Variants in PRDM15 observed in about 807,000 individuals in gnomAD.
The protein encoded by PRDM15 is PR domain zinc finger protein 15.
Under a neutral mutation model 128.6 loss-of-function variants are expected in PRDM15, and 64 were observed. The observed-to-expected ratio is 0.50, with a 90% confidence interval of 0.41 to 0.61. The LOEUF (loss-of-function observed/expected upper bound fraction) is 0.61, where lower values mean the gene tolerates loss of function less well. Ranked by LOEUF, PRDM15 falls within the 20% of genes least tolerant of loss-of-function variation. The pLI, the probability that PRDM15 is intolerant of heterozygous loss-of-function variation, is 0.00. For synonymous variants in PRDM15, 615 were observed against 621.8 expected, an observed-to-expected ratio of 0.99 and a Z score of 0.16; for missense variants, 1,242 against 1,569.1, an observed-to-expected ratio of 0.79 and a Z score of 3.52.
intron 11 of PRDM15, among the ~76,000 whole-genome samples, chr21:41,834,746 G>A (rs142376939): frequency 1.2e-4 from 19 of 152,342 alleles, no homozygotes; most frequent in Non-Finnish European, 2.6e-4. Flanking sequence ...ACGTGGAGAA[G>A]CGCAGCCGGC....
rs368229555 is a variant in PRDM15, at chr21:41,823,298, G to T, written c.1761+20C>A. 9.3e-6 allele frequency: 15 copies of T among 1,605,936 alleles called. No individual in the cohort carries two copies. In the African/African-American group the frequency reaches 1.5e-4, roughly 16 times the overall value. ...GCCTGCCGTGAGCATGCCTGGGTGA[G>T]GGCAGCACGCGATCGACACCTTGAA... On this transcript the variant is annotated intron_variant, in intron 14 of 23. Coordinates refer to ENST00000398548, the MANE Select transcript of PRDM15 (RefSeq NM_001040424.3).
intron 17 of PRDM15, among the ~76,000 whole-genome samples, 153 bp downstream of exon 17, chr21:41,819,942 G>A (rs1325474031): frequency 6.6e-6 from 1 of 152,204 alleles, no homozygotes; most frequent in Non-Finnish European, 1.5e-5. Flanking sequence ...TGGCAGGGCT[G>A]ATAAGGACGG....
At chr21:41,847,062 A>G (rs1180221933) in intron 6 of PRDM15, 28 bp downstream of exon 6, 3 of 1,442,578 alleles carry the variant, frequency 2.1e-6, no homozygotes, top group East Asian at 2.5e-5. Flanking sequence ...GAGTTTTACA[A>G]CTGGGGCTCC....
chr21:41,806,066 TCACCAC>T (rs1568880283), intron 21 of PRDM15, among the ~76,000 whole-genome samples: 624 of 7,526 alleles, frequency 0.083, 29 homozygotes, highest in Admixed American at 0.13. Flanking sequence ...ACCATCACCA[TCACCAC>T]CACCATCACC....
At chr21:41,878,642 C>T in intron 1 of PRDM15, 1 of 1,145,698 alleles carries the variant, frequency 8.7e-7, no homozygotes, top group Admixed American at 2.6e-5. Context: ...CTTCTCTCTG[C>T]CACCAAAAGG....
rs1385571687 is a variant in PRDM15 at position 41,799,121 on chromosome 21, T to C, written c.*2119A>G. On this transcript the variant is annotated 3_prime_UTR_variant, in exon 24 of 24. Coordinates refer to ENST00000398548, the MANE Select transcript of PRDM15 (RefSeq NM_001040424.3). ...AAACAACTTCTTTAAAAAAATAAAATTGTGATTTCCAAGGCCTTTATTTTA... is the reference window on the plus strand; with the variant it reads ...AAACAACTTCTTTAAAAAAATAAAACTGTGATTTCCAAGGCCTTTATTTTA... 6.6e-6 allele frequency: 1 copy of C among 152,184 alleles called. No homozygotes were observed. The highest frequency in any genetic ancestry group is 1.5e-5 in the Non-Finnish European group (1 of 68,042). The allele number at this position is 152,184 out of a possible 1,614,324, so 9.4% of individuals were successfully genotyped here. A position where few individuals can be genotyped will look rare whatever the true frequency, so the allele number is the denominator to read the frequency against.
intron 21 of PRDM15, among the ~76,000 whole-genome samples, chr21:41,806,039 C>CCACCACCACCACCACCAT (rs2061569685): frequency 3.4e-5 from 1 of 29,070 alleles, no homozygotes; most frequent in African/African-American, 1.3e-4. Flanking sequence ...ACCATCACCA[C>CCACCACCACCACCACCAT]CACCATCACC....
chr21:41,842,182 G>T (rs1386791724), intron 6 of PRDM15, among the ~76,000 whole-genome samples: 2 of 152,150 alleles, frequency 1.3e-5, no homozygotes, highest in African/African-American at 4.8e-5. Flanking sequence ...AGTCTGGCAA[G>T]AAAAAATAGA....
chr21:41,830,827 G>A (rs73359659), intron 11 of PRDM15, among the ~76,000 whole-genome samples: 1,643 of 152,222 alleles, frequency 0.011, 29 homozygotes, highest in African/African-American at 0.037. Context: ...CTGTGGTTTC[G>A]GCTCCGCCCA....
chr21:41,801,418 G>T lies in PRDM15; in HGVS notation c.3248C>A (p.Thr1083Asn). 6.2e-7 allele frequency: 1 copy of T among 1,614,130 alleles called. No individual in the cohort carries two copies. Among genetic ancestry groups the T allele is most frequent in the Non-Finnish European group, 8.5e-7 (1 of 1,179,980 alleles). The part of the protein sequence containing the change: ...QSVAHFINLT[T>N]LVNSITPLGS... ...CAGGGGCGTGATGGAGTTGACCAGG[G>T]TCGTCAGGTTGATGAAATGGGCCAC... Residue 1083 changes from threonine to asparagine, a missense_variant, in exon 24 of 24, where the codon ACC (threonine) becomes AAC (asparagine). Physicochemically the swap from Thr to Asn is moderately conservative, Grantham distance 65. This residue lies in a region of PRDM15 where 602 missense variants were observed against 788.3 expected (regional missense o/e 0.76). Transcript: ENST00000398548.
chr21:41,846,765 G>C, intron 6 of PRDM15, among the ~76,000 whole-genome samples: 1 of 152,252 alleles, frequency 6.6e-6, no homozygotes, highest in Non-Finnish European at 1.5e-5. Flanking sequence ...GACAACAAAG[G>C]CAAGAGTGCA....
rs766324740 is a variant in PRDM15, at chr21:41,825,969, C to A, written c.1620G>T (p.Val540=). 5.0e-6 allele frequency: 8 copies of A among 1,613,526 alleles called. No homozygotes were observed. In the Admixed American group the frequency reaches 1.3e-4, roughly 27 times the overall value. ...GGACTGCGAGCATTACCTTGCCACA[C>A]ACCGGGCACCCGGAAGGCTCCTTCT... The part of the protein sequence containing the change: ...RYKKEPSGCP[V]CGKVFSCRSN... Residue 540 remains valine, a synonymous_variant, in exon 13 of 24, where the codon GTG becomes GTT. Coordinates refer to ENST00000398548, the MANE Select transcript of PRDM15 (RefSeq NM_001040424.3).
rs2062251622 is a variant in PRDM15 at position 41,821,237 on chromosome 21, G to T, written c.1897-7C>A. On this transcript the variant is annotated splice_region_variant and splice_polypyrimidine_tract_variant and intron_variant, in intron 15 of 23. Transcript: ENST00000398548. This position sits in a 1 kb window ranked among gnomAD's most constrained non-coding sequence, Gnocchi z 5.4. Reference sequence around the variant, plus strand: ...TCCCCCGGCCGAAGGTGAGCTGCGGGCCAGGTGGACAGGGCACTGCTGACA... The same window carrying T: ...TCCCCCGGCCGAAGGTGAGCTGCGGTCCAGGTGGACAGGGCACTGCTGACA... 4 of 1,613,902 alleles carry T rather than the reference G, an allele frequency of 2.5e-6. No individual in the cohort carries two copies. The highest frequency in any genetic ancestry group is 3.4e-6 in the Non-Finnish European group (4 of 1,180,022).
chr21:41,810,844 G>T lies in PRDM15; in HGVS notation c.2393-8C>A. 1.9e-6 allele frequency: 3 copies of T among 1,613,660 alleles called. No homozygotes were observed. The highest frequency in any genetic ancestry group is 2.5e-6 in the Non-Finnish European group (3 of 1,179,634). ...ACATGAAATCTTTAATCCCTGCAGA[G>T]AAAGGCGCACATAACTTCCTACGTT... On this transcript the variant is annotated splice_region_variant and splice_polypyrimidine_tract_variant and intron_variant, in intron 19 of 23. Coordinates refer to ENST00000398548, the MANE Select transcript of PRDM15 (RefSeq NM_001040424.3). The surrounding 1 kb of genome is among the most constrained non-coding windows in gnomAD (Gnocchi z 6.4).
chr21:41,846,996 G>A, intron 6 of PRDM15, 94 bp downstream of exon 6: 1 of 814,166 alleles, frequency 1.2e-6, no homozygotes, highest in Non-Finnish European at 2.0e-6. Context: ...CAAAGTCTGG[G>A]ACATCCCGAC....
chr21:41,808,517 G>A (rs918150167), intron 21 of PRDM15, among the ~76,000 whole-genome samples: 3 of 152,318 alleles, frequency 2.0e-5, no homozygotes, highest in Middle Eastern at 3.4e-3. Context: ...TGAGGCAGAC[G>A]GTGCTTTCCC....
chr21:41,850,650 C>G (rs965610022), intron 5 of PRDM15, among the ~76,000 whole-genome samples: 23 of 152,258 alleles, frequency 1.5e-4, no homozygotes, highest in African/African-American at 5.3e-4. Context: ...GGGAGGATCA[C>G]TTGAGCCCAC....
intron 6 of PRDM15, among the ~76,000 whole-genome samples, chr21:41,840,324 T>C (rs546728727): frequency 6.6e-6 from 1 of 151,798 alleles, no homozygotes; most frequent in South Asian, 2.1e-4. Context: ...TGTGTGCCTG[T>C]AGTCCCAGCC....
chr21:41,834,395 GC>G, intron 11 of PRDM15: 2 of 953,054 alleles, frequency 2.1e-6, no homozygotes, highest in East Asian at 5.3e-5. Flanking sequence ...TGCTGCAGGT[GC>G]CCTGTTCTCA....
Sources: allele counts gnomAD v4.1 joint callset (sites outside exome capture counted in the v4.1 genomes callset), GRCh38; gene constraint gnomAD v4.1.1; regional missense constraint gnomAD v4.1.1; non-coding constraint Gnocchi (gnomAD v3.1); transcripts MANE v1.5; gene names NCBI Gene and HGNC (gene_info 2026-07-23, HGNC 2026-07-21).